MAP4: variants seen among roughly 807,000 people sequenced by gnomAD.
MAP4 encodes microtubule-associated protein 4.
Under a neutral mutation model 170.2 loss-of-function variants are expected in MAP4, and 76 were observed. The ratio of observed to expected loss-of-function variants is 0.45; its 90% CI spans 0.37 to 0.54. The LOEUF (loss-of-function observed/expected upper bound fraction) is 0.54. Ranked by LOEUF, MAP4 falls within the 20% of genes least tolerant of loss-of-function variation. The pLI is 0.00. For missense variants in MAP4, 2,506 were observed against 2,748.0 expected (o/e 0.91, Z 1.97); for synonymous variants, 909 against 994.5 (o/e 0.91, Z 1.62).
chr3:48,081,948 A>C (rs1022508545), intron 1 of MAP4, among the ~76,000 whole-genome samples: 15 of 152,352 alleles, frequency 9.8e-5, no homozygotes, highest in Non-Finnish European at 1.9e-4. Context: ...CAGGAAGTAC[A>C]AAAGTGCTAA....
chr3:47,908,864 A>G (rs1417010171), intron 9 of MAP4, among the ~76,000 whole-genome samples, 174 bp downstream of exon 9: 3 of 152,202 alleles, frequency 2.0e-5, no homozygotes, highest in Non-Finnish European at 4.4e-5. Context: ...GCAGGACACA[A>G]GGAACACATT....
chr3:48,059,963 ACT>A (rs1015433682), intron 1 of MAP4, among the ~76,000 whole-genome samples: 3 of 134,162 alleles, frequency 2.2e-5, no homozygotes, highest in African/African-American at 7.9e-5. Context: ...ACAGAGTGAG[ACT>A]CTGTCTCAAA....
At chr3:48,025,040 C>A (rs1284372511) in intron 1 of MAP4, among the ~76,000 whole-genome samples, 2 of 151,804 alleles carry the variant, frequency 1.3e-5, no homozygotes, top group African/African-American at 4.8e-5. Flanking sequence ...GCAGCCTCGA[C>A]CTCCCAGTCA....
At chr3:47,885,066 C>T (rs1280855057) in intron 10 of MAP4, among the ~76,000 whole-genome samples, 1 of 152,140 alleles carries the variant, frequency 6.6e-6, no homozygotes, top group Non-Finnish European at 1.5e-5. Flanking sequence ...ACAGGGCTCA[C>T]CATTAGGTCT....
chr3:48,086,984 C>G (rs544291189), intron 1 of MAP4, among the ~76,000 whole-genome samples: 9 of 152,322 alleles, frequency 5.9e-5, no homozygotes, highest in African/African-American at 2.2e-4. Flanking sequence ...ATTTTTGCCA[C>G]TTAACTATCT....
intron 1 of MAP4, among the ~76,000 whole-genome samples, chr3:48,041,658 A>G (rs1454373335): frequency 6.6e-6 from 1 of 152,186 alleles, no homozygotes; most frequent in Non-Finnish European, 1.5e-5. Flanking sequence ...CAGCCTGGGC[A>G]ACATGGCAAA....
intron 1 of MAP4, among the ~76,000 whole-genome samples, chr3:48,011,533 A>G (rs2100105228): frequency 6.6e-6 from 1 of 151,466 alleles, no homozygotes; most frequent in South Asian, 2.1e-4. Context: ...AGCCTACGTA[A>G]CAGAGCAAGA....
In MAP4 at chr3:47,852,782, G is replaced by T; in HGVS notation, c.*152C>A. On this transcript the variant is annotated 3_prime_UTR_variant, in exon 21 of 21. Transcript: ENST00000683076. ...GGGCTGCCCAGCACGGCGCCCAAGC[G>T]CTCACTGGTCTAGTGGACAGCCCGG... is the stretch of plus-strand genomic sequence containing the variant. 1 of 1,547,282 alleles carries T rather than the reference G, an allele frequency of 6.5e-7. No homozygotes were observed.
At chr3:47,869,150 G>A in intron 16 of MAP4, 64 bp downstream of exon 16, 1 of 1,261,642 alleles carries the variant, frequency 7.9e-7, no homozygotes, top group Non-Finnish European at 1.2e-6. Flanking sequence ...AGGGCATGTG[G>A]CTCAGGCTGG....
intron 1 of MAP4, among the ~76,000 whole-genome samples, chr3:48,028,411 G>A (rs997009184): frequency 6.6e-6 from 1 of 152,096 alleles, no homozygotes; most frequent in Non-Finnish European, 1.5e-5. Context: ...GGTTTTAGTG[G>A]CTTGGTTTAA....
rs571854758 is a variant in MAP4, at chr3:47,976,396, C to T, written c.292+1469G>A. ...CTTCCTACTGGAGAAGAAATCTACT[C>T]GTTTTTGTAGTTGTTTCCTTCCTGG... is the stretch of plus-strand genomic sequence containing the variant. On this transcript the variant is annotated intron_variant, in intron 3 of 20. Transcript: ENST00000683076. Among the ~76,000 whole-genome samples the T allele has an allele frequency of 1.4e-3, 211 of 152,304 alleles. 1 individual carries two copies. The highest frequency in any genetic ancestry group is 0.014 in the Middle Eastern group (4 of 294).
upstream of MAP4, among the ~76,000 whole-genome samples, chr3:48,019,484 C>CA (rs754207671): frequency 1.3e-5 from 2 of 152,108 alleles, no homozygotes; most frequent in African/African-American, 2.4e-5. Context: ...AAGTAATAAG[C>CA]ATATCATGTA....
rs1182786055 is a variant in MAP4, at chr3:47,881,119, ATT to A, written c.5435-3598_5435-3597del. ...AAATGTAAGGATCAATCTTAGTGGGATTGATCCTTTATTCTTTTCTCCGACAT... is the reference window on the plus strand; with the variant it reads ...AAATGTAAGGATCAATCTTAGTGGGAGATCCTTTATTCTTTTCTCCGACAT... On this transcript the variant is annotated intron_variant, in intron 10 of 20. Coordinates refer to ENST00000683076, the MANE Select transcript of MAP4 (RefSeq NM_001385682.1). 3.3e-5 allele frequency among the ~76,000 whole-genome samples: 5 copies of A among 152,052 alleles called. No homozygotes were observed. In the East Asian group the frequency reaches 9.7e-4, roughly 30 times the overall value.
At chr3:48,044,526 G>A (rs1450459346) in intron 1 of MAP4, among the ~76,000 whole-genome samples, 1 of 151,632 alleles carries the variant, frequency 6.6e-6, no homozygotes, top group Non-Finnish European at 1.5e-5. Context: ...GCACTGGGAG[G>A]CCGAGGTGGG....
intron 3 of MAP4, among the ~76,000 whole-genome samples, chr3:47,939,735 C>A (rs1415070397): frequency 6.6e-6 from 1 of 150,902 alleles, no homozygotes. Flanking sequence ...TAAACAACCA[C>A]CTCTTGATCA....
chr3:48,051,092 C>CCACACACACACACACACACACA (rs145028487), intron 1 of MAP4, among the ~76,000 whole-genome samples: 3 of 143,914 alleles, frequency 2.1e-5, no homozygotes, highest in African/African-American at 7.8e-5. Context: ...CATTCAATTT[C>CCACACACACACACACACACACA]CACACACACA....
Position 47,911,814 on chromosome 3 carries a change from T to G in MAP4, c.2607A>C (p.Ile869=), listed in dbSNP as rs1209135506. The G allele has an allele frequency of 3.3e-6, 5 of 1,536,148 alleles. No homozygotes were observed. Among genetic ancestry groups the G allele is most frequent in the Non-Finnish European group, 4.4e-6 (5 of 1,146,900 alleles). Residue 869 remains isoleucine, a synonymous_variant, in exon 9 of 21, where the codon ATA becomes ATC. Transcript: ENST00000683076. The surrounding 1 kb of genome is among the most constrained non-coding windows in gnomAD (Gnocchi z 4.0). ...YPSEEAPKTA[I]SSQSKLRVEE... The stretch of plus-strand genomic sequence containing the variant: ...CTACTCTCAGCTTAGACTGAGAACT[T>G]ATTGCAGTTTTGGGGGCTTCTTCAG...
In MAP4 at chr3:47,916,009, A is replaced by G. The variant is rs142987375; in HGVS notation, c.1818T>C (p.His606=). ...GCCCCACATCCTGCAGAGATTCTAA[A>G]TGGGAATCCTCACTTATTCCTTTTT... is the stretch of plus-strand genomic sequence containing the variant. The part of the protein sequence containing the change: ...QTQKGISEDS[H]LESLQDVGQS... The change falls in exon 7 of 21, where the codon CAT becomes CAC. Residue 606 remains histidine, a synonymous_variant. Coordinates refer to ENST00000683076, the MANE Select transcript of MAP4 (RefSeq NM_001385682.1). The G allele has an allele frequency of 1.1e-5, 17 of 1,614,110 alleles. No individual in the cohort carries two copies. The East Asian group carries it at 3.3e-4, about 32-fold the overall frequency.
Position 47,857,489 on chromosome 3 carries a change from C to T in MAP4, c.6525G>A (p.Val2175=). ...ACTTGGAGGAGACCTTAGAGATGTC[C>T]ACTTTCTTGTTCTGAATCTGAACCT... ...GGNVQIQNKK[V]DISKVSSKCG... Residue 2175 remains valine (V), a synonymous_variant, in exon 18 of 21, where the codon GTG becomes GTA. Coordinates refer to ENST00000683076, the MANE Select transcript of MAP4 (RefSeq NM_001385682.1). The T allele has an allele frequency of 2.5e-6, 4 of 1,613,778 alleles. No homozygotes were observed. The highest frequency in any genetic ancestry group is 3.4e-6 in the Non-Finnish European group (4 of 1,179,768).
Sources: allele counts gnomAD v4.1 joint callset (sites outside exome capture counted in the v4.1 genomes callset), GRCh38; gene constraint gnomAD v4.1.1; non-coding constraint Gnocchi (gnomAD v3.1); transcripts MANE v1.5; gene names NCBI Gene and HGNC (gene_info 2026-07-23, HGNC 2026-07-21).